The following MACROD2 variants were observed in gnomAD, a reference collection of about 807,000 sequenced individuals.
The protein encoded by MACROD2 is ADP-ribose glycohydrolase MACROD2.
Under a neutral mutation model 70.4 loss-of-function variants are expected in MACROD2, and 36 were observed. The ratio of observed to expected loss-of-function variants is 0.51; its 90% CI spans 0.39 to 0.68. The LOEUF (loss-of-function observed/expected upper bound fraction) is 0.68. Among genes scored for constraint, MACROD2 ranks in the 30% least tolerant of loss-of-function variants. The pLI, the probability that MACROD2 is intolerant of heterozygous loss-of-function variation, is 0.00. For missense variants in MACROD2, 496 were observed against 538.4 expected (o/e 0.92, Z 0.78); for synonymous variants, 172 against 178.8 (o/e 0.96, Z 0.30).
intron 8 of MACROD2, among the ~76,000 whole-genome samples, chr20:15,588,066 G>C (rs2048626830): frequency 6.6e-6 from 1 of 152,218 alleles, no homozygotes; most frequent in South Asian, 2.1e-4. Context: ...GCAAACTTCT[G>C]TCTGGGCATC....
intron 3 of MACROD2, among the ~76,000 whole-genome samples, chr20:14,225,549 T>C (rs1423040885): frequency 6.6e-6 from 1 of 152,232 alleles, no homozygotes; most frequent in Non-Finnish European, 1.5e-5. Flanking sequence ...CAGTTTCACT[T>C]TGAAGTACAG....
intron 8 of MACROD2, among the ~76,000 whole-genome samples, chr20:15,585,529 T>C (rs1329477660): frequency 6.6e-6 from 1 of 152,116 alleles, no homozygotes; most frequent in African/African-American, 2.4e-5. Context: ...CAGAGAGCCT[T>C]GAAGCCCACA....
chr20:15,722,981 T>C (rs2050808968), intron 8 of MACROD2, among the ~76,000 whole-genome samples: 5 of 152,214 alleles, frequency 3.3e-5, no homozygotes, highest in Admixed American at 3.3e-4. Context: ...AAGTTCATTC[T>C]TTCCTTTGTT....
At chr20:14,970,534 C>T (rs59278467) in intron 5 of MACROD2, among the ~76,000 whole-genome samples, 3,357 of 152,114 alleles carry the variant, frequency 0.022, 136 homozygotes, top group African/African-American at 0.075. Context: ...TTCTTCAGTT[C>T]ACCAGAAAAA....
intron 3 of MACROD2, among the ~76,000 whole-genome samples, chr20:14,483,207 A>G (rs2084682620): frequency 6.6e-6 from 1 of 152,174 alleles, no homozygotes; most frequent in African/African-American, 2.4e-5. Context: ...GGTGCCTAGT[A>G]CAATGTTTGG....
intron 3 of MACROD2, among the ~76,000 whole-genome samples, chr20:14,472,744 G>A (rs1227664156): frequency 6.6e-6 from 1 of 152,198 alleles, no homozygotes; most frequent in African/African-American, 2.4e-5. Flanking sequence ...TTGTTAAATA[G>A]AAATTTGTCC....
At chr20:13,998,679 G>A (rs1353767968) in intron 1 of MACROD2, among the ~76,000 whole-genome samples, 1 of 152,146 alleles carries the variant, frequency 6.6e-6, no homozygotes, top group African/African-American at 2.4e-5. Context: ...AGAAGGGCTA[G>A]GCGCGGTGGC....
chr20:14,023,478 C>G (rs905491280), intron 2 of MACROD2, among the ~76,000 whole-genome samples: 1 of 152,098 alleles, frequency 6.6e-6, no homozygotes, highest in Non-Finnish European at 1.5e-5. Flanking sequence ...TTTGCCCATG[C>G]CTATGTCCTG....
intron 10 of MACROD2, 81 bp downstream of exon 10, chr20:15,885,892 A>G (rs2064816216): frequency 3.0e-6 from 4 of 1,347,284 alleles, no homozygotes; most frequent in Non-Finnish European, 3.9e-6. Flanking sequence ...TTTTTCAACG[A>G]AAGACAAAAT....
At chr20:15,109,329 A>C (rs1461925827) in intron 5 of MACROD2, among the ~76,000 whole-genome samples, 1 of 152,196 alleles carries the variant, frequency 6.6e-6, no homozygotes, top group Non-Finnish European at 1.5e-5. Flanking sequence ...TTTAACAACC[A>C]GAAGAATTAC....
intron 5 of MACROD2, among the ~76,000 whole-genome samples, chr20:14,812,125 CA>C (rs2072721314): frequency 6.6e-6 from 1 of 152,070 alleles, no homozygotes; most frequent in Non-Finnish European, 1.5e-5. Flanking sequence ...GACACATGCA[CA>C]CATATGTTTA....
intron 3 of MACROD2, among the ~76,000 whole-genome samples, chr20:14,474,980 G>A (rs2084574342): frequency 6.6e-6 from 1 of 151,838 alleles, no homozygotes; most frequent in Non-Finnish European, 1.5e-5. Context: ...AGGTAAGGGT[G>A]TACTCCTGCC....
chr20:14,409,013 C>A (rs2083720153), intron 3 of MACROD2, among the ~76,000 whole-genome samples: 2 of 152,126 alleles, frequency 1.3e-5, no homozygotes, highest in African/African-American at 4.8e-5. Context: ...CCATGTCAAG[C>A]ACATCTAGAG....
At chr20:14,630,721 T>C (rs897921268) in intron 4 of MACROD2, among the ~76,000 whole-genome samples, 2 of 152,206 alleles carry the variant, frequency 1.3e-5, no homozygotes, top group African/African-American at 4.8e-5. Flanking sequence ...TTGTAGAAGA[T>C]AGGTGAACAA....
At chr20:15,962,043 G>A (rs1601223958) in intron 12 of MACROD2, among the ~76,000 whole-genome samples, 1 of 152,158 alleles carries the variant, frequency 6.6e-6, no homozygotes, top group Non-Finnish European at 1.5e-5. Flanking sequence ...TTCCATCATG[G>A]TCCAAACCAG....
chr20:15,175,505 T>C (rs2076454298), intron 5 of MACROD2, among the ~76,000 whole-genome samples: 1 of 152,144 alleles, frequency 6.6e-6, no homozygotes, highest in Admixed American at 6.6e-5. Context: ...GAATAGTCAT[T>C]TTACCACCCA....
chr20:15,279,803 G>T (rs529477464), intron 6 of MACROD2, among the ~76,000 whole-genome samples: 1 of 152,110 alleles, frequency 6.6e-6, no homozygotes, highest in African/African-American at 2.4e-5. Context: ...TATGCTAAGG[G>T]CTTTGTAGGT....
At chr20:14,690,226 C>T (rs2071047539) in intron 5 of MACROD2, among the ~76,000 whole-genome samples, 1 of 151,928 alleles carries the variant, frequency 6.6e-6, no homozygotes, top group Non-Finnish European at 1.5e-5. Context: ...AAATATTAAA[C>T]TTGTGTAAAT....
chr20:15,481,754 C>T (rs367764102), intron 7 of MACROD2, among the ~76,000 whole-genome samples: 55 of 151,776 alleles, frequency 3.6e-4, no homozygotes, highest in African/African-American at 1.3e-3. Flanking sequence ...TATAAACAAG[C>T]TACACAGGTG....
Sources: allele counts gnomAD v4.1 joint callset (sites outside exome capture counted in the v4.1 genomes callset), GRCh38; gene constraint gnomAD v4.1.1; transcripts MANE v1.5; gene names NCBI Gene and HGNC (gene_info 2026-07-23, HGNC 2026-07-21).